Variants in MCUR1 observed in about 807,000 individuals in gnomAD.
MCUR1 encodes the protein MCU regulator 1.
MCUR1 carries 37 observed loss-of-function variants against 42.0 expected under a neutral mutation model. That is an observed-to-expected ratio of 0.88 (90% CI 0.68 to 1.16). The LOEUF (loss-of-function observed/expected upper bound fraction) is 1.16, where lower values mean the gene tolerates loss of function less well. Ranked by LOEUF, MCUR1 falls within the 50% of genes most tolerant of loss-of-function variation. The pLI is 0.00. For missense variants in MCUR1, 469 were observed against 468.4 expected (o/e 1.00, Z -0.01); for synonymous variants, 229 against 196.2 (o/e 1.17, Z -1.40).
At position 13,794,047 on chromosome 6, in the gene MCUR1, C is replaced by T. The variant is rs923936449; in HGVS notation, c.856-100G>A. On this transcript the variant is annotated intron_variant, in intron 6 of 8. Coordinates refer to ENST00000379170, the MANE Select transcript of MCUR1 (RefSeq NM_001031713.4). ...TCTGGTCTCAGTACCTCCTAGAATA[C>T]GTAACACCAGAAAGTCACCTCTGGG... 37 of 991,398 alleles carry T rather than the reference C, an allele frequency of 3.7e-5. No homozygotes were observed. The South Asian group carries it at 4.1e-4, about 11-fold the overall frequency. 61.4% of individuals were successfully genotyped at this position (991,398 alleles called of 1,614,324 possible). A position where few individuals can be genotyped will look rare whatever the true frequency, so the allele number is the denominator to read the frequency against.
intron 8 of MCUR1, among the ~76,000 whole-genome samples, chr6:13,791,592 C>T (rs1346602485): frequency 6.6e-6 from 1 of 152,126 alleles, no homozygotes; most frequent in Non-Finnish European, 1.5e-5. Flanking sequence ...TGTCTTGAAT[C>T]TCATTAAAAT....
intron 8 of MCUR1, 149 bp downstream of exon 8, chr6:13,791,729 A>C (rs1241634110): frequency 1.8e-6 from 1 of 569,298 alleles, no homozygotes; most frequent in African/African-American, 1.9e-5. Context: ...TACTTCATCT[A>C]CTGGAAATTG....
chr6:13,796,423 G>A (rs1759857780), intron 6 of MCUR1, among the ~76,000 whole-genome samples: 2 of 151,774 alleles, frequency 1.3e-5, no homozygotes, highest in African/African-American at 4.8e-5. Flanking sequence ...GAGTAGCTGA[G>A]ACTACAGGTG....
intron 2 of MCUR1, among the ~76,000 whole-genome samples, chr6:13,804,847 C>G (rs1760082657): frequency 6.8e-6 from 1 of 146,924 alleles, no homozygotes; most frequent in African/African-American, 2.5e-5. Flanking sequence ...AGTTATGAGG[C>G]AGAAATTAAT....
At chr6:13,796,834 T>A (rs1180029588) in intron 6 of MCUR1, among the ~76,000 whole-genome samples, 3 of 152,252 alleles carry the variant, frequency 2.0e-5, no homozygotes, top group African/African-American at 7.2e-5. Context: ...ATGTAGTTTT[T>A]CCCAGGTTGG....
intron 2 of MCUR1, among the ~76,000 whole-genome samples, chr6:13,803,476 T>G (rs577139306): frequency 6.6e-6 from 1 of 152,244 alleles, no homozygotes; most frequent in Non-Finnish European, 1.5e-5. Flanking sequence ...CTTCCAGCTA[T>G]AAGAATTTCA....
At chr6:13,798,969 C>T (rs574946371) in intron 5 of MCUR1, 65 bp from the exon 6 acceptor site, 36 of 967,360 alleles carry the variant, frequency 3.7e-5, no homozygotes, top group Middle Eastern at 4.5e-4. Flanking sequence ...TCTATGAGGA[C>T]GTGACACTGG....
At position 13,807,054 on chromosome 6, in the gene MCUR1, A is replaced by G; in HGVS notation, c.416-10T>C. The G allele has an allele frequency of 1.3e-6, 2 of 1,593,854 alleles. No homozygotes were observed. The highest frequency in any genetic ancestry group is 8.6e-7 in the Non-Finnish European group (1 of 1,168,678). On this transcript the variant is annotated splice_polypyrimidine_tract_variant and intron_variant, in intron 1 of 8. Coordinates refer to ENST00000379170, the MANE Select transcript of MCUR1 (RefSeq NM_001031713.4). ...GCAGACAAGCTTAGCTCTAGGGTGGAAAGGACAGTAAGCTCAAAACAGACT... is the reference window on the plus strand; with the variant it reads ...GCAGACAAGCTTAGCTCTAGGGTGGGAAGGACAGTAAGCTCAAAACAGACT...
intron 3 of MCUR1, among the ~76,000 whole-genome samples, chr6:13,801,802 G>A (rs2113467527): frequency 6.6e-6 from 1 of 152,224 alleles, no homozygotes; most frequent in Middle Eastern, 3.4e-3. Context: ...GCAGTGAGCT[G>A]AGACTGCACC....
chr6:13,810,140 T>C (rs1344912204), intron 1 of MCUR1, among the ~76,000 whole-genome samples: 2 of 150,858 alleles, frequency 1.3e-5, no homozygotes, highest in African/African-American at 4.9e-5. Flanking sequence ...GAGGCGGAGG[T>C]TGCAGTGAGC....
chr6:13,801,384 G>A lies in MCUR1; in HGVS notation c.645C>T (p.Ile215=). 5 of 1,604,854 alleles carry A rather than the reference G, an allele frequency of 3.1e-6. No individual in the cohort carries two copies. Among genetic ancestry groups the A allele is most frequent in the Non-Finnish European group, 2.6e-6 (3 of 1,175,270 alleles). ...TCTGAGACATTACTTGCTGAAAAGT[G>A]ATTTCCTAGGAAAAGAAAAACAAAA... The part of the protein sequence containing the change: ...KDMVTKMQQE[I]TFQQVMSQIA... The change falls in exon 4 of 9, where the codon ATC becomes ATT. Residue 215 remains isoleucine, a synonymous_variant. Transcript: ENST00000379170.
chr6:13,787,386 T>G lies in MCUR1; in HGVS notation c.*3423A>C, dbSNP rs931968765. 4 of 152,350 alleles carry G rather than the reference T, an allele frequency of 2.6e-5. No individual in the cohort carries two copies. The highest frequency in any genetic ancestry group is 7.2e-5 in the African/African-American group (3 of 41,576). 9.4% of individuals were successfully genotyped at this position (152,350 alleles called of 1,614,324 possible). On this transcript the variant is annotated 3_prime_UTR_variant, in exon 9 of 9. Transcript: ENST00000379170. ...CGGAAAAAGCGAGTACATTCAGATT[T>G]AGTTTTGCTAGATATTAAACTAGAA...
Position 13,814,328 on chromosome 6 carries a change from G to A in MCUR1, c.102C>T (p.Ser34=), listed in dbSNP as rs771182052. Residue 34 remains serine, a synonymous_variant, in exon 1 of 9, where the codon AGC becomes AGT. Coordinates refer to ENST00000379170, the MANE Select transcript of MCUR1 (RefSeq NM_001031713.4). ...AGAGGCAGCGGCGTGCTGAGGTTTC[G>A]CTGCCGCCCGGTCTTCCGCTGAGGC... ...PVGLSGRPGG[S]ETSARRCLSA... 1 of 1,507,676 alleles carries A rather than the reference G, an allele frequency of 6.6e-7. No individual in the cohort carries two copies. Among genetic ancestry groups the A allele is most frequent in the Non-Finnish European group, 8.8e-7 (1 of 1,134,710 alleles). 93.4% of individuals were successfully genotyped at this position (1,507,676 alleles called of 1,614,324 possible).
At chr6:13,803,041 T>C (rs1561733658) in intron 2 of MCUR1, among the ~76,000 whole-genome samples, 2 of 152,160 alleles carry the variant, frequency 1.3e-5, no homozygotes, top group African/African-American at 4.8e-5. Context: ...AATTGAATGA[T>C]AGAGATTCAA....
At chr6:13,806,328 T>A (rs1760111144) in intron 2 of MCUR1, among the ~76,000 whole-genome samples, 1 of 152,176 alleles carries the variant, frequency 6.6e-6, no homozygotes, top group South Asian at 2.1e-4. Flanking sequence ...TCAGCAACAT[T>A]TCAATTTCAC....
intron 2 of MCUR1, among the ~76,000 whole-genome samples, chr6:13,804,991 T>C (rs569369636): frequency 6.6e-6 from 1 of 152,172 alleles, no homozygotes; most frequent in East Asian, 1.9e-4. Flanking sequence ...CCTGGCCTCC[T>C]ACTCAGCCAG....
intron 6 of MCUR1, among the ~76,000 whole-genome samples, chr6:13,796,285 T>G (rs908637673): frequency 7.0e-6 from 1 of 143,180 alleles, no homozygotes; most frequent in African/African-American, 3.0e-5. Context: ...TCATTTTTTT[T>G]CTTTTCTTTT....
At chr6:13,807,733 C>T (rs1001282302) in intron 1 of MCUR1, among the ~76,000 whole-genome samples, 2 of 152,212 alleles carry the variant, frequency 1.3e-5, no homozygotes, top group African/African-American at 2.4e-5. Context: ...CCATTTTACA[C>T]TCCTTCTAGC....
At chr6:13,810,750 T>C (rs994472225) in intron 1 of MCUR1, among the ~76,000 whole-genome samples, 1 of 152,092 alleles carries the variant, frequency 6.6e-6, no homozygotes, top group Admixed American at 6.6e-5. Flanking sequence ...TCCAGATGAG[T>C]GCAAGAGATG....
Sources: gnomAD v4.1 joint callset for allele counts (sites outside exome capture counted in the v4.1 genomes callset) on GRCh38, gnomAD v4.1.1 for gene constraint, MANE v1.5 for transcripts, NCBI Gene and HGNC (gene_info 2026-07-23, HGNC 2026-07-21) for gene names.